Variants in NRXN3 observed in about 807,000 individuals in gnomAD.
The protein encoded by NRXN3 is neurexin III.
A neutral mutation model predicts 137.6 loss-of-function variants in NRXN3; 32 were observed. That is an observed-to-expected ratio of 0.23 (90% CI 0.18 to 0.31). The LOEUF (loss-of-function observed/expected upper bound fraction) is 0.31, where lower values mean the gene tolerates loss of function less well. Among genes scored for constraint, NRXN3 ranks in the 10% least tolerant of loss-of-function variants. The pLI is 1.00. For synonymous variants in NRXN3, 798 were observed against 784.5 expected (o/e 1.02, Z -0.29); for missense variants, 1,574 against 2,062.5 (o/e 0.76, Z 4.59).
At chr14:78,298,014 G>T in intron 4 of NRXN3, 154 bp downstream of exon 4, 1 of 761,470 alleles carries the variant, frequency 1.3e-6, no homozygotes, top group Non-Finnish European at 2.1e-6. Flanking sequence ...CTGCAGTGGG[G>T]GTGGGGGCAC....
At chr14:78,921,106 CT>C (rs1455953537) in intron 10 of NRXN3, among the ~76,000 whole-genome samples, 2 of 152,176 alleles carry the variant, frequency 1.3e-5, no homozygotes, top group African/African-American at 4.8e-5. Flanking sequence ...AGTCCTCATC[CT>C]AAAGCAAAAA....
chr14:79,183,371 T>C (rs2063156338), intron 15 of NRXN3, among the ~76,000 whole-genome samples: 1 of 152,164 alleles, frequency 6.6e-6, no homozygotes, highest in Non-Finnish European at 1.5e-5. Flanking sequence ...ATTAGCTCAG[T>C]GGATTTTTAT....
intron 4 of NRXN3, among the ~76,000 whole-genome samples, chr14:78,395,284 C>T (rs1474724418): frequency 6.6e-6 from 1 of 151,790 alleles, no homozygotes; most frequent in African/African-American, 2.4e-5. Flanking sequence ...TTTCTTGAGA[C>T]TTCCTTTTTG....
intron 19 of NRXN3, among the ~76,000 whole-genome samples, chr14:79,773,358 G>C (rs1253665631): frequency 2.0e-5 from 3 of 152,026 alleles, no homozygotes; most frequent in Non-Finnish European, 2.9e-5. Flanking sequence ...ATTCACAACA[G>C]CAAAGACTTG....
At chr14:78,873,732 G>A (rs1455019476) in intron 10 of NRXN3, among the ~76,000 whole-genome samples, 3 of 152,172 alleles carry the variant, frequency 2.0e-5, no homozygotes, top group Admixed American at 1.3e-4. Context: ...AGTGTGATCA[G>A]TGGTCTAGCA....
intron 1 of NRXN3, among the ~76,000 whole-genome samples, chr14:78,235,038 G>GTGTGTATATATATATA (rs2066077632): frequency 1.3e-5 from 1 of 76,710 alleles, no homozygotes; most frequent in Admixed American, 1.6e-4. Flanking sequence ...ATATATATAT[G>GTGTGTATATATATATA]TGTGTGTGTG....
chr14:79,429,495 T>C (rs930204666), intron 15 of NRXN3, among the ~76,000 whole-genome samples: 4 of 152,220 alleles, frequency 2.6e-5, no homozygotes, highest in Admixed American at 6.5e-5. Context: ...GTAGGAACTA[T>C]GTAAAGGTAA....
chr14:78,902,597 A>G (rs1052414529), intron 10 of NRXN3, among the ~76,000 whole-genome samples: 2 of 151,964 alleles, frequency 1.3e-5, no homozygotes, highest in African/African-American at 4.8e-5. Context: ...CCTAATTCTA[A>G]AACATTTTTT....
At chr14:79,779,356 G>T (rs190017953) in intron 19 of NRXN3, among the ~76,000 whole-genome samples, 257 of 151,984 alleles carry the variant, frequency 1.7e-3, no homozygotes, top group South Asian at 7.7e-3. Context: ...CAGGTGATCC[G>T]CCCACCTCGG....
At chr14:79,231,244 G>A (rs1206829428) in intron 15 of NRXN3, among the ~76,000 whole-genome samples, 1 of 152,102 alleles carries the variant, frequency 6.6e-6, no homozygotes, top group African/African-American at 2.4e-5. Flanking sequence ...GCTAAAGAGA[G>A]CTCTTTAAAA....
rs923809461 is a variant in NRXN3, at chr14:79,465,409, A to G, written c.3263-1812A>G. The stretch of plus-strand genomic sequence containing the variant: ...ATCCCCTAAGGATCGAGAAATTCAT[A>G]AAAGGAAAATAATGTTATGCTACAT... On this transcript the variant is annotated intron_variant, in intron 15 of 20. Transcript: ENST00000335750. 2.6e-5 allele frequency among the ~76,000 whole-genome samples: 4 copies of G among 152,220 alleles called. 1 individual carries two copies. The highest frequency in any genetic ancestry group is 4.4e-5 in the Non-Finnish European group (3 of 68,034).
At chr14:78,560,675 T>C (rs1041049929) in intron 4 of NRXN3, among the ~76,000 whole-genome samples, 1 of 152,138 alleles carries the variant, frequency 6.6e-6, no homozygotes, top group Non-Finnish European at 1.5e-5. Flanking sequence ...GGCTCTGGGA[T>C]GGAGAGTTTC....
At chr14:78,884,162 A>T (rs892855160) in intron 10 of NRXN3, among the ~76,000 whole-genome samples, 5 of 152,188 alleles carry the variant, frequency 3.3e-5, no homozygotes, top group African/African-American at 1.2e-4. Context: ...ATCTTGTTTG[A>T]ATCCCAGAAC....
intron 7 of NRXN3, among the ~76,000 whole-genome samples, chr14:78,713,660 AT>A (rs1363623693): frequency 6.6e-6 from 1 of 152,214 alleles, no homozygotes; most frequent in Admixed American, 6.5e-5. Context: ...ACTATTCAGC[AT>A]GGCTGGGGAG....
intron 6 of NRXN3, among the ~76,000 whole-genome samples, chr14:78,688,258 A>G (rs2098140060): frequency 6.6e-6 from 1 of 152,206 alleles, no homozygotes; most frequent in Non-Finnish European, 1.5e-5. Flanking sequence ...CAAAGACAGA[A>G]CATGAGGGCT....
intron 15 of NRXN3, among the ~76,000 whole-genome samples, chr14:79,369,853 C>T (rs1327949086): frequency 6.6e-6 from 1 of 152,130 alleles, no homozygotes; most frequent in Non-Finnish European, 1.5e-5. Flanking sequence ...TAATGTACGC[C>T]AGGAACTGTC....
chr14:79,296,367 C>T (rs569384530), intron 15 of NRXN3, among the ~76,000 whole-genome samples: 1 of 151,650 alleles, frequency 6.6e-6, no homozygotes, highest in African/African-American at 2.4e-5. Flanking sequence ...AAAAGTGCTT[C>T]ATAGCAGAAA....
chr14:78,506,643 GTTTTTTTTTT>G (rs71131653), intron 4 of NRXN3, among the ~76,000 whole-genome samples: 1 of 105,362 alleles, frequency 9.5e-6, no homozygotes, highest in Non-Finnish European at 2.0e-5. Flanking sequence ...TCTCATTGTA[GTTTTTTTTTT>G]TTTTTTTTTT....
rs553966873 is a variant in NRXN3, at chr14:78,493,723, T to C, written c.758-151397T>C. On this transcript the variant is annotated intron_variant, in intron 4 of 20. Transcript: ENST00000335750. The stretch of plus-strand genomic sequence containing the variant: ...GAGATACTTAGAGAAAAAATGACTT[T>C]CAGTGCTATAGCAAAAAGGAATTTA... 1.1e-4 allele frequency among the ~76,000 whole-genome samples: 16 copies of C among 152,060 alleles called. No individual in the cohort carries two copies. In the South Asian group the frequency reaches 3.3e-3, roughly 32 times the overall value.
Sources: gnomAD v4.1 joint callset for allele counts (sites outside exome capture counted in the v4.1 genomes callset) on GRCh38, gnomAD v4.1.1 for gene constraint, MANE v1.5 for transcripts, NCBI Gene and HGNC (gene_info 2026-07-23, HGNC 2026-07-21) for gene names.